The following ATP6V0A4 variants were observed in gnomAD, a reference collection of about 807,000 sequenced individuals.
ATP6V0A4 encodes the protein ATPase H+ transporting V0 subunit a4.
Under a neutral mutation model 107.3 loss-of-function variants are expected in ATP6V0A4, and 86 were observed. That is an observed-to-expected ratio of 0.80 (90% confidence interval 0.67 to 0.96). The LOEUF is 0.96. Ranked by LOEUF, ATP6V0A4 falls within the 40% of genes least tolerant of loss-of-function variation. The pLI, the probability that ATP6V0A4 is intolerant of heterozygous loss-of-function variation, is 0.00. For synonymous variants in ATP6V0A4, 353 were observed against 381.4 expected, an observed-to-expected ratio of 0.93 and a Z score of 0.87; for missense variants, 908 against 1,045.6, an observed-to-expected ratio of 0.87 and a Z score of 1.81.
chr7:138,759,729 T>G, intron 8 of ATP6V0A4, 23 bp downstream of exon 8: 1 of 1,613,638 alleles, frequency 6.2e-7, no homozygotes, highest in Non-Finnish European at 8.5e-7. Flanking sequence ...TCAGAGAAAG[T>G]TTTTGCAGCC....
chr7:138,733,785 C>G (rs1805158750), intron 16 of ATP6V0A4, among the ~76,000 whole-genome samples: 1 of 152,020 alleles, frequency 6.6e-6, no homozygotes, highest in South Asian at 2.1e-4. Flanking sequence ...ACCATGTTGG[C>G]CAGGCTGGTC....
chr7:138,726,041 G>C (rs1027849804), intron 18 of ATP6V0A4, among the ~76,000 whole-genome samples: 2 of 151,952 alleles, frequency 1.3e-5, no homozygotes, highest in Non-Finnish European at 2.9e-5. Context: ...CTGGGCTGGA[G>C]TGCAGTGGTG....
intron 10 of ATP6V0A4, among the ~76,000 whole-genome samples, chr7:138,754,610 T>C (rs1392768474): frequency 6.6e-6 from 1 of 151,950 alleles, no homozygotes; most frequent in Non-Finnish European, 1.5e-5. Context: ...CTACTAAATT[T>C]TATGTATTTT....
intron 4 of ATP6V0A4, 122 bp from the exon 5 acceptor site, chr7:138,768,996 G>T: frequency 6.4e-7 from 1 of 1,571,892 alleles, no homozygotes; most frequent in Non-Finnish European, 8.6e-7. Context: ...CCTAGGAGCT[G>T]CCACAGCACC....
chr7:138,766,569 T>C (rs985657410), intron 5 of ATP6V0A4, among the ~76,000 whole-genome samples: 9 of 152,008 alleles, frequency 5.9e-5, no homozygotes, highest in African/African-American at 2.2e-4. Flanking sequence ...AGATAAAAGA[T>C]AAACGATATA....
chr7:138,745,235 C>T lies in ATP6V0A4; in HGVS notation c.1366G>A (p.Gly456Ser), dbSNP rs746586700. ...AAACCCGTGTAGATGGAGAAGATGC[C>T]CATAAGTAGGATCAGATAGCGCCCG... is the stretch of plus-strand genomic sequence containing the variant. ...FHGRYLILLM[G>S]IFSIYTGLIY... The change falls in exon 14 of 22, where the codon GGC becomes AGC. Residue 456 changes from glycine (G) to serine (S), a missense_variant. Transcript: ENST00000310018. 9 of 1,613,624 alleles carry T rather than the reference C, an allele frequency of 5.6e-6. No individual in the cohort carries two copies. In the Admixed American group the frequency reaches 1.3e-4, roughly 24 times the overall value.
intron 20 of ATP6V0A4, among the ~76,000 whole-genome samples, chr7:138,712,790 T>C (rs988279315): frequency 6.6e-6 from 1 of 151,928 alleles, no homozygotes; most frequent in Middle Eastern, 3.2e-3. Context: ...CCCCGACACA[T>C]AGGGCCAAGA....
intron 1 of ATP6V0A4, among the ~76,000 whole-genome samples, chr7:138,790,192 A>T (rs1808345673): frequency 6.6e-6 from 1 of 152,164 alleles, no homozygotes; most frequent in African/African-American, 2.4e-5. Flanking sequence ...AACTGGAATT[A>T]TATTGACATA....
In ATP6V0A4 at chr7:138,721,928, GT is replaced by G; in HGVS notation, c.2107del (p.Thr703ProfsTer60). On this transcript the variant is annotated frameshift_variant, in exon 19 of 22. Transcript: ENST00000310018. LOFTEE classifies it high-confidence loss of function. ...TCCATGGTCGTCCAGAGCCCCGTGG[GT>G]ATCTGCAGAAGTCCTCTGGCCAGAA... ...SRSGQRTSAD[T>X]HGALDDHGEE... The G allele has an allele frequency of 1.2e-6, 2 of 1,614,142 alleles. No homozygotes were observed. Among genetic ancestry groups the G allele is most frequent in the South Asian group, 2.2e-5 (2 of 91,072 alleles).
intron 11 of ATP6V0A4, among the ~76,000 whole-genome samples, chr7:138,751,751 A>G (rs1272056367): frequency 3.3e-5 from 5 of 152,034 alleles, no homozygotes; most frequent in Non-Finnish European, 7.4e-5. Context: ...ACCGCAAGCG[A>G]TCTACATATT....
intron 5 of ATP6V0A4, among the ~76,000 whole-genome samples, chr7:138,768,167 C>T (rs1385908473): frequency 6.6e-6 from 1 of 152,116 alleles, no homozygotes; most frequent in South Asian, 2.1e-4. Context: ...TTCCTGACTT[C>T]GTGATCCGCC....
Position 138,723,052 on chromosome 7 carries a change from T to C in ATP6V0A4, c.2011-1027A>G, listed in dbSNP as rs191310349. ...CAGCCTGGGGGACAGAGTGAGACTG[T>C]CTCAAAAAAAAAAAAAAAAAGAAAA... On this transcript the variant is annotated intron_variant, in intron 18 of 21. Transcript: ENST00000310018. 4.7e-3 allele frequency among the ~76,000 whole-genome samples: 358 copies of C among 75,606 alleles called. 3 individuals are homozygous for C. The highest frequency in any genetic ancestry group is 0.021 in the African/African-American group (338 of 15,948). The allele number at this position is 75,606 out of a possible 152,430, so 49.6% of individuals were successfully genotyped here.
At chr7:138,761,999 G>A (rs1456299282) in intron 7 of ATP6V0A4, among the ~76,000 whole-genome samples, 1 of 152,122 alleles carries the variant, frequency 6.6e-6, no homozygotes, top group Non-Finnish European at 1.5e-5. Context: ...GTATTTTAAA[G>A]AGAAAGGAAA....
Position 138,726,139 on chromosome 7 carries a change from G to A in ATP6V0A4, c.2010+2622C>T, listed in dbSNP as rs1047530490. On this transcript the variant is annotated intron_variant, in intron 18 of 21. Coordinates refer to ENST00000310018, the MANE Select transcript of ATP6V0A4 (RefSeq NM_020632.3). ...CGAGTAGCTGGGACTACAGGCGCCC[G>A]CCACCACGCCCGGCTAATTTTTTGT... 7.2e-5 allele frequency among the ~76,000 whole-genome samples: 11 copies of A among 152,048 alleles called. No individual in the cohort carries two copies. In the East Asian group the frequency reaches 9.8e-4, roughly 14 times the overall value.
chr7:138,757,760 T>A (rs1336103387), intron 8 of ATP6V0A4, among the ~76,000 whole-genome samples: 1 of 152,186 alleles, frequency 6.6e-6, no homozygotes, highest in Non-Finnish European at 1.5e-5. Flanking sequence ...ATAAAGATGC[T>A]CATCATGGTG....
chr7:138,732,766 C>T, intron 17 of ATP6V0A4, 111 bp downstream of exon 17: 3 of 1,229,400 alleles, frequency 2.4e-6, no homozygotes, highest in South Asian at 1.4e-5. Context: ...TGCACTCCAG[C>T]CTGGGTGACA....
chr7:138,784,054 A>G (rs1304553717), intron 2 of ATP6V0A4, among the ~76,000 whole-genome samples: 8 of 151,918 alleles, frequency 5.3e-5, no homozygotes, highest in Non-Finnish European at 7.4e-5. Flanking sequence ...ATTGGCAGGT[A>G]AGATATAGAT....
chr7:138,759,050 C>CTCTTT (rs1176578067), intron 8 of ATP6V0A4, among the ~76,000 whole-genome samples: 1 of 91,922 alleles, frequency 1.1e-5, no homozygotes, highest in Non-Finnish European at 2.2e-5. Flanking sequence ...CATGCCCAGC[C>CTCTTT]TATTTTTTTT....
intron 21 of ATP6V0A4, among the ~76,000 whole-genome samples, chr7:138,707,312 A>ATT (rs137932528): frequency 1.4e-5 from 1 of 73,370 alleles, no homozygotes; most frequent in Non-Finnish European, 2.4e-5. Flanking sequence ...ATTTATATTT[A>ATT]TTTATATTTA....
Sources: gnomAD v4.1 joint callset for allele counts (sites outside exome capture counted in the v4.1 genomes callset) on GRCh38, gnomAD v4.1.1 for gene constraint, MANE v1.5 for transcripts, NCBI Gene and HGNC (gene_info 2026-07-23, HGNC 2026-07-21) for gene names.